ERC1: variants seen among roughly 807,000 people sequenced by gnomAD.
ERC1 encodes ELKS/RAB6-interacting/CAST family member 1.
In ERC1, 56 loss-of-function variants were observed where a neutral mutation model predicts 132.0. That is an observed-to-expected ratio of 0.42 (90% CI 0.34 to 0.53). The LOEUF (loss-of-function observed/expected upper bound fraction) is 0.53. Ranked by LOEUF, ERC1 falls within the 20% of genes least tolerant of loss-of-function variation. ERC1 has a pLI of 0.03. For missense variants in ERC1, 1,202 were observed against 1,349.9 expected, an observed-to-expected ratio of 0.89 and a Z score of 1.72; for synonymous variants, 478 against 476.1, an observed-to-expected ratio of 1.00 and a Z score of -0.05.
chr12:1,383,162 T>C (rs1189103552), intron 16 of ERC1, among the ~76,000 whole-genome samples: 1 of 152,226 alleles, frequency 6.6e-6, no homozygotes, highest in Admixed American at 6.5e-5. Flanking sequence ...CTTCTGTGTT[T>C]CCTGATCCCT....
intron 2 of ERC1, among the ~76,000 whole-genome samples, chr12:1,036,557 G>A (rs1969132790): frequency 6.6e-6 from 1 of 152,024 alleles, no homozygotes. Context: ...TGTATTTTTA[G>A]TAGAGATGGT....
At chr12:1,350,151 G>C (rs2084871476) in intron 15 of ERC1, among the ~76,000 whole-genome samples, 1 of 152,176 alleles carries the variant, frequency 6.6e-6, no homozygotes, top group Non-Finnish European at 1.5e-5. Context: ...AAACAATGGA[G>C]ATAAGAGGAT....
At chr12:1,071,497 G>A (rs957285268) in intron 2 of ERC1, among the ~76,000 whole-genome samples, 5 of 151,934 alleles carry the variant, frequency 3.3e-5, no homozygotes, top group Admixed American at 6.6e-5. Flanking sequence ...TCTTCCCCAG[G>A]AATGTATTTT....
In ERC1 at chr12:1,365,327, G is replaced by GAA. The variant is rs77071351; in HGVS notation, c.2781-6496_2781-6495dup. ...CACTTGCCTAGACGCTACTGGCCTG[G>GAA]AAAAAAAAAAATGCCTTAAAAGTGC... On this transcript the variant is annotated intron_variant, in intron 15 of 18. Transcript: ENST00000360905. 8.2e-3 allele frequency among the ~76,000 whole-genome samples: 1,208 copies of GAA among 146,634 alleles called. 25 individuals carry two copies. The highest frequency in any genetic ancestry group is 0.03 in the East Asian group (151 of 5,092).
At position 1,467,605 on chromosome 12, in the gene ERC1, G is replaced by A. The variant is rs1345896906; in HGVS notation, c.3214-22488G>A. On this transcript the variant is annotated intron_variant, in intron 18 of 18. Coordinates refer to ENST00000360905, the MANE Select transcript of ERC1 (RefSeq NM_178040.4). The stretch of plus-strand genomic sequence containing the variant: ...CAGAAGGCAGTTTTTCCACAGACAG[G>A]GGAGTGGCAGGGAAGGGATGGTTTC... 4.6e-5 allele frequency among the ~76,000 whole-genome samples: 7 copies of A among 152,250 alleles called. No individual in the cohort carries two copies. In the Middle Eastern group the frequency reaches 0.017, roughly 370 times the overall value.
intron 16 of ERC1, among the ~76,000 whole-genome samples, chr12:1,396,229 A>G (rs991493177): frequency 2.0e-5 from 3 of 152,218 alleles, no homozygotes; most frequent in African/African-American, 4.8e-5. Context: ...GTAACTATAT[A>G]TCTATTTTTG....
chr12:1,274,638 A>G (rs1238280141), intron 14 of ERC1, among the ~76,000 whole-genome samples: 2 of 151,996 alleles, frequency 1.3e-5, no homozygotes, highest in Admixed American at 6.6e-5. Context: ...GATTACAGGC[A>G]TGCATCACCA....
At chr12:1,260,075 C>T (rs2077050287) in intron 13 of ERC1, among the ~76,000 whole-genome samples, 1 of 152,132 alleles carries the variant, frequency 6.6e-6, no homozygotes, top group Non-Finnish European at 1.5e-5. Context: ...ATCTTCTTTC[C>T]AGGTTTACCT....
intron 18 of ERC1, among the ~76,000 whole-genome samples, chr12:1,461,177 C>T (rs1435804282): frequency 6.6e-6 from 1 of 151,976 alleles, no homozygotes; most frequent in East Asian, 1.9e-4. Flanking sequence ...GTGCCCATCC[C>T]AACCTCACCA....
intron 14 of ERC1, among the ~76,000 whole-genome samples, chr12:1,278,055 T>C (rs1289962893): frequency 2.0e-5 from 3 of 152,216 alleles, no homozygotes; most frequent in African/African-American, 7.2e-5. Flanking sequence ...TGACAGACCC[T>C]GAAGTGAGAC....
At chr12:1,033,458 A>G (rs1276366276) in intron 2 of ERC1, among the ~76,000 whole-genome samples, 1 of 146,862 alleles carries the variant, frequency 6.8e-6, no homozygotes, top group Non-Finnish European at 1.5e-5. Context: ...GTCATGAGCC[A>G]CCGCACCCAG....
At chr12:1,247,877 TC>T (rs1397015528) in intron 13 of ERC1, among the ~76,000 whole-genome samples, 1 of 152,154 alleles carries the variant, frequency 6.6e-6, no homozygotes, top group African/African-American at 2.4e-5. Flanking sequence ...ATGCCTGTAA[TC>T]CCAGCTACTC....
intron 1 of ERC1, among the ~76,000 whole-genome samples, chr12:1,010,194 A>G (rs1270734384): frequency 6.6e-6 from 1 of 152,184 alleles, no homozygotes. Flanking sequence ...GAGAAAGGAA[A>G]TATTGGCTGG....
At chr12:1,125,110 C>T (rs1593497387) in intron 7 of ERC1, among the ~76,000 whole-genome samples, 1 of 151,888 alleles carries the variant, frequency 6.6e-6, no homozygotes, top group African/African-American at 2.4e-5. Context: ...TTCTCCTGTC[C>T]CAGCCTCCCA....
intron 16 of ERC1, among the ~76,000 whole-genome samples, chr12:1,389,683 G>T (rs529935885): frequency 6.6e-6 from 1 of 152,226 alleles, no homozygotes; most frequent in East Asian, 1.9e-4. Context: ...TTGCTGATTT[G>T]ATATATAAAT....
At chr12:1,349,695 C>A (rs1490183830) in intron 15 of ERC1, among the ~76,000 whole-genome samples, 2 of 151,260 alleles carry the variant, frequency 1.3e-5, no homozygotes, top group Admixed American at 1.3e-4. Context: ...TTTTTGATAC[C>A]TTGGAATGTG....
chr12:1,293,220 T>A (rs113792696), intron 15 of ERC1, among the ~76,000 whole-genome samples: 11 of 149,728 alleles, frequency 7.3e-5, no homozygotes, highest in African/African-American at 2.7e-4. Context: ...TTTGGGAGGC[T>A]GAGGCGGGCA....
At chr12:1,275,640 A>T (rs2078211837) in intron 14 of ERC1, among the ~76,000 whole-genome samples, 1 of 152,054 alleles carries the variant, frequency 6.6e-6, no homozygotes, top group Non-Finnish European at 1.5e-5. Flanking sequence ...GATGAGGGAG[A>T]GGAGAGGGAA....
At chr12:1,307,946 G>A (rs1266163064) in intron 15 of ERC1, among the ~76,000 whole-genome samples, 1 of 152,216 alleles carries the variant, frequency 6.6e-6, no homozygotes, top group Non-Finnish European at 1.5e-5. Context: ...GTGACCAGCA[G>A]TAGCTTTGAT....
Sources: gnomAD v4.1 joint callset for allele counts (sites outside exome capture counted in the v4.1 genomes callset) on GRCh38, gnomAD v4.1.1 for gene constraint, MANE v1.5 for transcripts, NCBI Gene and HGNC (gene_info 2026-07-23, HGNC 2026-07-21) for gene names.